The following ZNF397 variants were observed in gnomAD, a reference collection of about 807,000 sequenced individuals.
ZNF397 encodes zinc finger protein 397.
Under a neutral mutation model 50.6 loss-of-function variants are expected in ZNF397, and 38 were observed. The observed-to-expected ratio is 0.75, with a 90% confidence interval of 0.58 to 0.98. ZNF397 has a LOEUF of 0.98. Among genes scored for constraint, ZNF397 ranks in the 50% least tolerant of loss-of-function variants. The pLI is 0.00. For synonymous variants in ZNF397, 228 were observed against 215.2 expected, an observed-to-expected ratio of 1.06 and a Z score of -0.52; for missense variants, 624 against 624.1, an observed-to-expected ratio of 1.00 and a Z score of 0.00.
rs776986173 is a variant in ZNF397 at position 35,242,598 on chromosome 18, A to G, written c.128A>G (p.Gln43Arg). ...DEKFKQNGST[Q>R]SCQELFRQQF... ...AAATTTAAGCAGAATGGGAGTACTC[A>G]ATCCTGCCAAGAATTGTTTCGTCAG... The change falls in exon 2 of 4, where the codon CAA (glutamine) becomes CGA (arginine). Residue 43 changes from glutamine (Q) to arginine (R), a missense_variant. Coordinates refer to ENST00000330501, the MANE Select transcript of ZNF397 (RefSeq NM_001135178.3). The G allele has an allele frequency of 1.9e-6, 3 of 1,614,130 alleles. No homozygotes were observed. The highest frequency in any genetic ancestry group is 1.3e-5 in the African/African-American group (1 of 74,948).
chr18:35,258,536 A>T (rs1324364466), downstream of ZNF397: 1 of 155,438 alleles, frequency 6.4e-6, no homozygotes, highest in Non-Finnish European at 1.4e-5. Context: ...CCAAACAGAC[A>T]GAACACAGAT....
At chr18:35,253,579 C>T, downstream of ZNF397, 1 of 1,613,758 alleles carries the variant, frequency 6.2e-7, no homozygotes, top group Non-Finnish European at 8.5e-7. Context: ...GGGCTGAGCT[C>T]TGATTGAAGG....
Position 35,249,004 on chromosome 18 carries a change from C to T in ZNF397, c.*2694C>T, listed in dbSNP as rs539221871. ...GTCAGACTTTGAACCCACAACCTGACTGTGGAGCCACTTCAGTATACTCTC... is the reference window on the plus strand; with the variant it reads ...GTCAGACTTTGAACCCACAACCTGATTGTGGAGCCACTTCAGTATACTCTC... On this transcript the variant is annotated 3_prime_UTR_variant, in exon 4 of 4. Transcript: ENST00000330501. The T allele has an allele frequency of 1.3e-5, 2 of 152,244 alleles. No homozygotes were observed. Among genetic ancestry groups the T allele is most frequent in the Non-Finnish European group, 2.9e-5 (2 of 68,014 alleles). The allele number at this position is 152,244 out of a possible 1,614,324, so 9.4% of individuals were successfully genotyped here.
chr18:35,252,950 G>C (rs2043649347), downstream of ZNF397: 1 of 153,594 alleles, frequency 6.5e-6, no homozygotes, highest in Non-Finnish European at 1.4e-5. Flanking sequence ...TACTGCCTCA[G>C]ATATTATTAA....
At chr18:35,257,667 G>A (rs2043882249) in intron 5 of ZNF397, among the ~76,000 whole-genome samples, 1 of 152,188 alleles carries the variant, frequency 6.6e-6, no homozygotes, top group Non-Finnish European at 1.5e-5. Flanking sequence ...AGTCCTAACC[G>A]ATTAAGACAG....
rs1227744836 is a variant in ZNF397, at chr18:35,248,841, A to C, written c.*2531A>C. 1 of 152,086 alleles carries C rather than the reference A, an allele frequency of 6.6e-6. No homozygotes were observed. The highest frequency in any genetic ancestry group is 1.5e-5 in the Non-Finnish European group (1 of 68,032). The allele number at this position is 152,086 out of a possible 1,614,324, so 9.4% of individuals were successfully genotyped here. A position where few individuals can be genotyped will look rare whatever the true frequency, so the allele number is the denominator to read the frequency against. On this transcript the variant is annotated 3_prime_UTR_variant, in exon 4 of 4. Coordinates refer to ENST00000330501, the MANE Select transcript of ZNF397 (RefSeq NM_001135178.3). The stretch of plus-strand genomic sequence containing the variant: ...TGGGAGAGCAAGACCCTGTCTCCAA[A>C]CCAAAAAAAAAGGAAAAAAGTAAAT...
downstream of ZNF397, chr18:35,253,269 T>G (rs2043659452): frequency 2.1e-6 from 1 of 480,320 alleles, no homozygotes; most frequent in African/African-American, 2.0e-5. Flanking sequence ...GGGTAACATT[T>G]TTCTTCCATT....
At position 35,241,080 on chromosome 18, in the gene ZNF397, C is replaced by T. The variant is rs909300061; in HGVS notation, c.-110C>T. 6.6e-6 allele frequency: 1 copy of T among 152,396 alleles called. No homozygotes were observed. The highest frequency in any genetic ancestry group is 2.4e-5 in the African/African-American group (1 of 41,460). 9.4% of individuals were successfully genotyped at this position (152,396 alleles called of 1,614,324 possible). On this transcript the variant is annotated 5_prime_UTR_variant, in exon 1 of 4. Transcript: ENST00000330501. ...GTGGCTTGCAGCTCGGGGTGGGTGG[C>T]TCATTTCCTGGCCGCTCCTGGGCTT...
At chr18:35,250,337 CCAATATAGG>C (rs1331595448), downstream of ZNF397, among the ~76,000 whole-genome samples, 1 of 152,092 alleles carries the variant, frequency 6.6e-6, no homozygotes, top group East Asian at 1.9e-4. Flanking sequence ...GGAAGGGGCA[CCAATATAGG>C]GTGGATGTCA....
rs1054287008 is a variant in ZNF397 at position 35,248,909 on chromosome 18, T to C, written c.*2599T>C. ...AGGGCTTTGTATATACTTATTATTG[T>C]TATTTCTCAGCACGTATGTAGCAGA... On this transcript the variant is annotated 3_prime_UTR_variant, in exon 4 of 4. Coordinates refer to ENST00000330501, the MANE Select transcript of ZNF397 (RefSeq NM_001135178.3). 6.6e-6 allele frequency: 1 copy of C among 152,190 alleles called. No homozygotes were observed. Among genetic ancestry groups the C allele is most frequent in the Non-Finnish European group, 1.5e-5 (1 of 68,034 alleles). The allele number at this position is 152,190 out of a possible 1,614,324, so 9.4% of individuals were successfully genotyped here. A position where few individuals can be genotyped will look rare whatever the true frequency, so the allele number is the denominator to read the frequency against.
At chr18:35,254,135 G>C, downstream of ZNF397, 1 of 1,614,122 alleles carries the variant, frequency 6.2e-7, no homozygotes, top group Non-Finnish European at 8.5e-7. Flanking sequence ...GTGTTCTGTG[G>C]GGATTCTTCT....
downstream of ZNF397, chr18:35,253,885 A>C: frequency 6.2e-7 from 1 of 1,614,122 alleles, no homozygotes; most frequent in Non-Finnish European, 8.5e-7. Flanking sequence ...CACCACTATG[A>C]ATTCTCTGAT....
exon 6 of ZNF397, chr18:35,258,049 G>A (rs2043900790): frequency 1.3e-6 from 1 of 776,194 alleles, no homozygotes; most frequent in Non-Finnish European, 2.4e-6. Flanking sequence ...TATAACTCAA[G>A]GTTGTAAAAA....
chr18:35,251,413 C>G (rs558851994), downstream of ZNF397: 2 of 152,274 alleles, frequency 1.3e-5, no homozygotes, highest in East Asian at 3.9e-4. Flanking sequence ...TCCCTTTAGA[C>G]TTCTGATCGA....
chr18:35,246,813 TTAGA>T lies in ZNF397; in HGVS notation c.*507_*510del, dbSNP rs34576450. 0.15 allele frequency: 148,295 copies of T among 985,786 alleles called. 11,480 individuals carry two copies. The highest frequency in any genetic ancestry group is 0.18 in the South Asian group (3,878 of 21,322). The allele number at this position is 985,786 out of a possible 1,614,324, so 61.1% of individuals were successfully genotyped here. Reference sequence around the variant, plus strand: ...TGTTGAGCCCAGGGCAGGCCAGGAATTAGATAGGCATGAGAAGAAAGAATATAAT... The same window carrying T: ...TGTTGAGCCCAGGGCAGGCCAGGAATTAGGCATGAGAAGAAAGAATATAAT... On this transcript the variant is annotated 3_prime_UTR_variant, in exon 4 of 4. Coordinates refer to ENST00000330501, the MANE Select transcript of ZNF397 (RefSeq NM_001135178.3).
In ZNF397 at chr18:35,247,319, C is replaced by T; in HGVS notation, c.*1009C>T. ...GCAAATATGTGGTTTCCTTGCCCAACCTGTAGGCTATCCTAGAACTTCCAT... is the reference window on the plus strand; with the variant it reads ...GCAAATATGTGGTTTCCTTGCCCAATCTGTAGGCTATCCTAGAACTTCCAT... On this transcript the variant is annotated 3_prime_UTR_variant, in exon 4 of 4. Transcript: ENST00000330501. 3.9e-6 allele frequency: 1 copy of T among 258,886 alleles called. No individual in the cohort carries two copies. The highest frequency in any genetic ancestry group is 1.5e-4 in the South Asian group (1 of 6,872). 16.0% of individuals were successfully genotyped at this position (258,886 alleles called of 1,614,324 possible).
chr18:35,242,838 C>T lies in ZNF397; in HGVS notation c.368C>T (p.Thr123Ile). ...CCAGAAAGCGGCGAGGAAGCTGTGA[C>T]CCTGTTGGAGGATTTAGAGAGGGAG... ...HNPESGEEAV[T>I]LLEDLEREFD... Residue 123 changes from threonine (T) to isoleucine (I), a missense_variant, in exon 2 of 4, where the codon ACC (threonine) becomes ATC (isoleucine). By Grantham distance (89) the Thr-to-Ile change is moderately conservative (BLOSUM62 -1). Coordinates refer to ENST00000330501, the MANE Select transcript of ZNF397 (RefSeq NM_001135178.3). 3.7e-6 allele frequency: 6 copies of T among 1,613,726 alleles called. No homozygotes were observed. Among genetic ancestry groups the T allele is most frequent in the Non-Finnish European group, 5.1e-6 (6 of 1,179,824 alleles).
intron 5 of ZNF397, among the ~76,000 whole-genome samples, chr18:35,255,541 T>C (rs191647155): frequency 2.0e-5 from 3 of 152,224 alleles, no homozygotes; most frequent in South Asian, 2.1e-4. Context: ...CTGCCTTCCA[T>C]ATTGGAAGGA....
intron 5 of ZNF397, chr18:35,257,909 T>C (rs746040269): frequency 1.3e-6 from 1 of 781,080 alleles, no homozygotes; most frequent in Admixed American, 1.7e-5. Flanking sequence ...CTAATCCTGC[T>C]TCTCTCTCTC....
Sources: allele counts gnomAD v4.1 joint callset (sites outside exome capture counted in the v4.1 genomes callset), GRCh38; gene constraint gnomAD v4.1.1; transcripts MANE v1.5; gene names NCBI Gene and HGNC (gene_info 2026-07-23, HGNC 2026-07-21).